The following WDR70 variants were observed in gnomAD, a reference collection of about 807,000 sequenced individuals.
The protein encoded by WDR70 is WD repeat-containing protein 70.
In WDR70, 53 loss-of-function variants were observed where a neutral mutation model predicts 88.6. That is an observed-to-expected ratio of 0.60 (90% confidence interval 0.48 to 0.75). The LOEUF is 0.75. Ranked by LOEUF, WDR70 falls within the 30% of genes least tolerant of loss-of-function variation. The pLI is 0.00. For missense variants in WDR70, 610 were observed against 823.2 expected, an observed-to-expected ratio of 0.74 and a Z score of 3.17; for synonymous variants, 280 against 270.0, an observed-to-expected ratio of 1.04 and a Z score of -0.36.
intron 5 of WDR70, among the ~76,000 whole-genome samples, chr5:37,399,920 A>G (rs946882122): frequency 1.3e-5 from 2 of 151,882 alleles, no homozygotes; most frequent in Non-Finnish European, 2.9e-5. Context: ...GTGGTTATTT[A>G]TTTTTATTAT....
chr5:37,400,169 G>A (rs1749149228), intron 5 of WDR70, among the ~76,000 whole-genome samples: 1 of 152,090 alleles, frequency 6.6e-6, no homozygotes, highest in Non-Finnish European at 1.5e-5. Flanking sequence ...CCTAACCTCA[G>A]GTGATCCACC....
intron 12 of WDR70, among the ~76,000 whole-genome samples, chr5:37,701,959 C>A (rs1747176715): frequency 6.6e-6 from 1 of 152,110 alleles, no homozygotes; most frequent in Non-Finnish European, 1.5e-5. Context: ...CTGTTATCTC[C>A]AATCTACTAA....
chr5:37,675,346 C>T (rs1746170061), intron 10 of WDR70, among the ~76,000 whole-genome samples: 2 of 152,056 alleles, frequency 1.3e-5, no homozygotes, highest in African/African-American at 4.8e-5. Context: ...AGGTTTTCTT[C>T]TAGGGTTTTT....
chr5:37,467,693 G>A (rs1225223599), intron 7 of WDR70, among the ~76,000 whole-genome samples: 1 of 151,540 alleles, frequency 6.6e-6, no homozygotes, highest in Non-Finnish European at 1.5e-5. Context: ...CCGCCACTGC[G>A]CCCGGCTAAT....
At chr5:37,437,360 A>G (rs993619823) in intron 5 of WDR70, among the ~76,000 whole-genome samples, 1 of 152,182 alleles carries the variant, frequency 6.6e-6, no homozygotes, top group Non-Finnish European at 1.5e-5. Context: ...TAACACTTTA[A>G]GGTATGCCCC....
At chr5:37,507,118 CT>C (rs371558972) in intron 8 of WDR70, among the ~76,000 whole-genome samples, 27 of 150,288 alleles carry the variant, frequency 1.8e-4, no homozygotes, top group African/African-American at 4.9e-4. Context: ...TGCTTTCCAA[CT>C]TTTTTTTTTC....
chr5:37,581,176 C>T (rs1441116562), intron 9 of WDR70, among the ~76,000 whole-genome samples: 1 of 151,958 alleles, frequency 6.6e-6, no homozygotes, highest in Non-Finnish European at 1.5e-5. Context: ...ATATAGGGAA[C>T]ACTGGTGGAT....
chr5:37,640,885 C>T (rs776280403), intron 10 of WDR70, among the ~76,000 whole-genome samples: 1 of 152,148 alleles, frequency 6.6e-6, no homozygotes, highest in Non-Finnish European at 1.5e-5. Context: ...GTTTGGGTAG[C>T]GTCCTTAAAT....
intron 9 of WDR70, among the ~76,000 whole-genome samples, chr5:37,556,175 T>C (rs1310855914): frequency 6.6e-6 from 1 of 151,852 alleles, no homozygotes; most frequent in African/African-American, 2.4e-5. Flanking sequence ...ATGATTATCG[T>C]CTGTGTTTAG....
chr5:37,629,122 T>C (rs1744745464), intron 10 of WDR70, among the ~76,000 whole-genome samples: 1 of 152,214 alleles, frequency 6.6e-6, no homozygotes, highest in Non-Finnish European at 1.5e-5. Context: ...TCCTGGCCTG[T>C]AAGCTTTCTG....
chr5:37,479,267 G>A (rs2112154840), intron 7 of WDR70, among the ~76,000 whole-genome samples: 1 of 152,094 alleles, frequency 6.6e-6, no homozygotes, highest in Non-Finnish European at 1.5e-5. Context: ...GGTTGGGTTG[G>A]AGATATAAGG....
At chr5:37,562,547 A>C (rs1347303677) in intron 9 of WDR70, among the ~76,000 whole-genome samples, 1 of 151,990 alleles carries the variant, frequency 6.6e-6, no homozygotes, top group Non-Finnish European at 1.5e-5. Context: ...CAGATAAGTG[A>C]ACAAAGGTCT....
intron 10 of WDR70, among the ~76,000 whole-genome samples, chr5:37,658,559 C>A (rs1266502234): frequency 6.6e-6 from 1 of 152,064 alleles, no homozygotes; most frequent in Non-Finnish European, 1.5e-5. Context: ...AATATCATCA[C>A]CTCTGTAAGG....
At position 37,506,870 on chromosome 5, in the gene WDR70, C is replaced by T. The variant is rs1429678985; in HGVS notation, c.841-9644C>T. The T allele has an allele frequency of 8.3e-6, 10 of 1,201,046 alleles. No individual in the cohort carries two copies. The Admixed American group carries it at 8.4e-5, about 10-fold the overall frequency. The allele number at this position is 1,201,046 out of a possible 1,614,324, so 74.4% of individuals were successfully genotyped here. On this transcript the variant is annotated intron_variant, in intron 8 of 17. Transcript: ENST00000265107. ...GTCACCCGCCTCATTGCGCTGCCCCCGGTGGGTCCTGAGTGAGCCACCACC... is the reference window on the plus strand; with the variant it reads ...GTCACCCGCCTCATTGCGCTGCCCCTGGTGGGTCCTGAGTGAGCCACCACC...
chr5:37,651,966 A>C (rs1487397603), intron 10 of WDR70, among the ~76,000 whole-genome samples: 1 of 152,024 alleles, frequency 6.6e-6, no homozygotes, highest in Non-Finnish European at 1.5e-5. Context: ...GTTTAATTAA[A>C]TCCCGTTTAT....
intron 5 of WDR70, among the ~76,000 whole-genome samples, chr5:37,425,943 T>A (rs1214510257): frequency 6.6e-6 from 1 of 152,178 alleles, no homozygotes; most frequent in Non-Finnish European, 1.5e-5. Context: ...TAAGTTGAGG[T>A]ATTTCTGAGA....
chr5:37,519,692 C>G (rs1007162514), intron 9 of WDR70, among the ~76,000 whole-genome samples: 1 of 141,936 alleles, frequency 7.0e-6, no homozygotes, highest in South Asian at 2.3e-4. Context: ...GATGGGCGGC[C>G]GGGCAGAGGC....
chr5:37,505,686 T>C lies in WDR70; in HGVS notation c.841-10828T>C, dbSNP rs1740537938. On this transcript the variant is annotated intron_variant, in intron 8 of 17. Transcript: ENST00000265107. ...TACATCTTCCTCTAGCCCCTAAAAT[T>C]CTCATCTGACATTTTGCGACATGTA... 7.8e-6 allele frequency: 7 copies of C among 895,758 alleles called. No homozygotes were observed. In the Admixed American group the frequency reaches 8.5e-5, roughly 11 times the overall value. 55.5% of individuals were successfully genotyped at this position (895,758 alleles called of 1,614,324 possible).
chr5:37,625,689 T>C (rs1255115145), intron 10 of WDR70, among the ~76,000 whole-genome samples: 2 of 151,938 alleles, frequency 1.3e-5, no homozygotes, highest in African/African-American at 4.8e-5. Flanking sequence ...CATGCCTAGC[T>C]AATTTTTTTT....
Sources: gnomAD v4.1 joint callset for allele counts (sites outside exome capture counted in the v4.1 genomes callset) on GRCh38, gnomAD v4.1.1 for gene constraint, MANE v1.5 for transcripts, NCBI Gene and HGNC (gene_info 2026-07-23, HGNC 2026-07-21) for gene names.